The following DVL1 variants were observed in gnomAD, a reference collection of about 807,000 sequenced individuals.
DVL1 encodes dishevelled segment polarity protein 1, also known as segment polarity protein dishevelled homolog DVL-1.
A neutral mutation model predicts 65.0 loss-of-function variants in DVL1; 49 were observed. That is an observed-to-expected ratio of 0.75 (90% CI 0.60 to 0.96). The LOEUF (loss-of-function observed/expected upper bound fraction) is 0.96. Ranked by LOEUF, DVL1 falls within the 40% of genes least tolerant of loss-of-function variation. The pLI, the probability that DVL1 is intolerant of heterozygous loss-of-function variation, is 0.00. For synonymous variants in DVL1, 608 were observed against 433.9 expected (o/e 1.40, Z -4.99); for missense variants, 1,197 against 1,045.4 (o/e 1.15, Z -2.00).
At chr1:1,338,229 T>TGGCCCCC in intron 13 of DVL1, 40 bp downstream of exon 13, 78 of 1,521,738 alleles carry the variant, frequency 5.1e-5, no homozygotes, top group Non-Finnish European at 6.7e-5. Flanking sequence ...CCTCCGGCGT[T>TGGCCCCC]CCCCTCCCCC....
chr1:1,342,965 G>C (rs1411262055), intron 1 of DVL1, among the ~76,000 whole-genome samples: 1 of 148,158 alleles, frequency 6.7e-6, no homozygotes, highest in East Asian at 2.0e-4. Flanking sequence ...GTCACTCTGC[G>C]GACACCCCTG....
In DVL1 at chr1:1,336,364, G is replaced by A. The variant is rs1643572481; in HGVS notation, c.1866C>T (p.Gly622=). Residue 622 remains glycine (G), a synonymous_variant, in exon 15 of 15, where the codon GGC becomes GGT. Coordinates refer to ENST00000378888, the MANE Select transcript of DVL1 (RefSeq NM_001330311.2). ...GTGGGCTGCTGCCACGGCTGAGCTG[G>A]CCGGCCGGACGCTCTCGCCAGCTGC... ...VGSSWRERPA[G]QLSRGSSPRS... 6.3e-7 allele frequency: 1 copy of A among 1,596,830 alleles called. No homozygotes were observed. Among genetic ancestry groups the A allele is most frequent in the Non-Finnish European group, 8.5e-7 (1 of 1,177,986 alleles).
rs1257286030 is a variant in DVL1 at position 1,340,470 on chromosome 1, G to C, written c.639C>G (p.Ser213=). ...GGCGTTTGTGCTTCCGGATGAGTCT[G>C]GATGAGGTGCTCTGCTCCGTGGAGC... is the stretch of plus-strand genomic sequence containing the variant. ...LSSSTEQSTS[S]RLIRKHKRRR... Residue 213 remains serine, a synonymous_variant, in exon 6 of 15, where the codon TCC becomes TCG. Coordinates refer to ENST00000378888, the MANE Select transcript of DVL1 (RefSeq NM_001330311.2). 2 of 1,610,716 alleles carry C rather than the reference G, an allele frequency of 1.2e-6. No homozygotes were observed. Among genetic ancestry groups the C allele is most frequent in the Admixed American group, 3.4e-5 (2 of 59,368 alleles).
intron 13 of DVL1, 28 bp from the exon 14 acceptor site, chr1:1,338,211 C>T (rs369598586): frequency 3.3e-5 from 52 of 1,594,790 alleles, no homozygotes; most frequent in African/African-American, 2.5e-4. Context: ...GTGAGGGCCG[C>T]GGAGGGGCCT....
At position 1,342,736 on chromosome 1, in the gene DVL1, C is replaced by A; in HGVS notation, c.193G>T (p.Asp65Tyr). The change falls in exon 2 of 15, where the codon GAT (aspartate) becomes TAT (tyrosine). Residue 65 changes from aspartate to tyrosine, a missense_variant. By Grantham distance (160) the Asp-to-Tyr change is radical. Transcript: ENST00000378888. Reference sequence around the variant, plus strand: ...AAGCAGGGAAGCTTGGCATTGTCATCAAAGATCTCCTCCTTCACCACCCTG... The same window carrying A: ...AAGCAGGGAAGCTTGGCATTGTCATAAAAGATCTCCTCCTTCACCACCCTG... ...DFGVVKEEIF[D>Y]DNAKLPCFNG... 2 of 1,613,080 alleles carry A rather than the reference C, an allele frequency of 1.2e-6. No individual in the cohort carries two copies. Among genetic ancestry groups the A allele is most frequent in the Non-Finnish European group, 1.7e-6 (2 of 1,179,778 alleles).
chr1:1,336,161 A>C lies in DVL1; in HGVS notation c.2069T>G (p.Phe690Cys). The change falls in exon 15 of 15, where the codon TTC (phenylalanine) becomes TGC (cysteine). Residue 690 changes from phenylalanine to cysteine, a missense_variant. By Grantham distance (205) the Phe-to-Cys change is radical (BLOSUM62 -2). Coordinates refer to ENST00000378888, the MANE Select transcript of DVL1 (RefSeq NM_001330311.2). ...FQKAMGNPCE[F>C]FVDIM is the part of the protein sequence containing the mutation. ...CACGAGTCACATGATGTCCACGAAG[A>C]ACTCGCAGGGGTTCCCCATAGCCTT... is the stretch of plus-strand genomic sequence containing the variant. The C allele has an allele frequency of 6.3e-7, 1 of 1,576,186 alleles. No individual in the cohort carries two copies. The highest frequency in any genetic ancestry group is 1.7e-4 in the Middle Eastern group (1 of 6,024).
At position 1,336,031 on chromosome 1, in the gene DVL1, C is replaced by A; in HGVS notation, c.*111G>T. ...GCAGATGGTGGTGGTCCAGCCTGCC[C>A]CCCACCCTGCCTCCCGTCCTGGCCC... On this transcript the variant is annotated 3_prime_UTR_variant, in exon 15 of 15. Coordinates refer to ENST00000378888, the MANE Select transcript of DVL1 (RefSeq NM_001330311.2). The A allele has an allele frequency of 7.0e-7, 1 of 1,418,480 alleles. No individual in the cohort carries two copies. 87.9% of individuals were successfully genotyped at this position (1,418,480 alleles called of 1,614,324 possible).
chr1:1,339,395 T>G lies in DVL1; in HGVS notation c.1099A>C (p.Thr367Pro). The G allele has an allele frequency of 6.5e-7, 1 of 1,548,736 alleles. No homozygotes were observed. Among genetic ancestry groups the G allele is most frequent in the Non-Finnish European group, 8.7e-7 (1 of 1,146,686 alleles). Residue 367 changes from threonine (T) to proline (P), a missense_variant, in exon 11 of 15, where the codon ACG becomes CCG. Thr to Pro is a conservative substitution (Grantham distance 38). Transcript: ENST00000378888. ...PIDPAAWLSH[T>P]AALTGALPRY... ...GGCAGGGCTCCTGTCAGTGCCGCCG[T>G]GTGGGACAGCCAGGCGGCGGGGTCG...
rs1643970334 is a variant in DVL1 at position 1,348,955 on chromosome 1, G to A, written c.111C>T (p.Leu37=). 6.4e-7 allele frequency: 1 copy of A among 1,574,608 alleles called. No homozygotes were observed. The highest frequency in any genetic ancestry group is 8.6e-7 in the Non-Finnish European group (1 of 1,157,318). ...RVTLADFKNV[L]SNRPVHAYKF... ...TGTAGGCGTGCACGGGCCGGTTGCT[G>A]AGCACGTTCTTGAAGTCGGCCAGCG... Residue 37 remains leucine (L), a synonymous_variant, in exon 1 of 15, where the codon CTC becomes CTT. Coordinates refer to ENST00000378888, the MANE Select transcript of DVL1 (RefSeq NM_001330311.2).
rs1643559970 is a variant in DVL1, at chr1:1,336,087, T to C, written c.*55A>G. Reference sequence around the variant, plus strand: ...AAGGCAAGCCCACGCGAGCTCTGCATGCGGCAGGACCGCCAGCTCCCCACC... The same window carrying C: ...AAGGCAAGCCCACGCGAGCTCTGCACGCGGCAGGACCGCCAGCTCCCCACC... On this transcript the variant is annotated 3_prime_UTR_variant, in exon 15 of 15. Transcript: ENST00000378888. 1.9e-6 allele frequency: 3 copies of C among 1,544,126 alleles called. No individual in the cohort carries two copies. In the Admixed American group the frequency reaches 5.7e-5, roughly 29 times the overall value.
chr1:1,348,563 C>A (rs1431588715), intron 1 of DVL1, among the ~76,000 whole-genome samples: 4 of 152,238 alleles, frequency 2.6e-5, no homozygotes, highest in Non-Finnish European at 5.9e-5. Flanking sequence ...ACGCCCCTGA[C>A]CCCAGCCCGC....
chr1:1,337,622 G>A (rs1161767916), intron 14 of DVL1: 2 of 444,138 alleles, frequency 4.5e-6, no homozygotes, highest in Admixed American at 3.3e-5. Context: ...ACCCCTACCA[G>A]GCACAGCCGC....
At chr1:1,340,684 A>C (rs541737894) in intron 5 of DVL1, among the ~76,000 whole-genome samples, 181 bp from the exon 6 acceptor site, 1 of 152,200 alleles carries the variant, frequency 6.6e-6, no homozygotes, top group East Asian at 1.9e-4. Flanking sequence ...CACACACGAA[A>C]ATCCCAGAGA....
intron 1 of DVL1, among the ~76,000 whole-genome samples, chr1:1,345,469 C>T (rs1232855390): frequency 6.6e-5 from 10 of 152,180 alleles, no homozygotes; most frequent in Admixed American, 6.5e-4. Flanking sequence ...GCTGGCCAGG[C>T]ATTGGGGGCG....
At chr1:1,344,546 C>T (rs1643890723) in intron 1 of DVL1, among the ~76,000 whole-genome samples, 1 of 152,128 alleles carries the variant, frequency 6.6e-6, no homozygotes, top group African/African-American at 2.4e-5. Context: ...CCTACCTAGC[C>T]CTCTGGGGTC....
Position 1,349,040 on chromosome 1 carries a change from T to G in DVL1, c.26A>C (p.His9Pro). Residue 9 changes from histidine (H) to proline (P), a missense_variant, in exon 1 of 15, where the codon CAC becomes CCC. Physicochemically the swap from His to Pro is moderately conservative, Grantham distance 77. Transcript: ENST00000378888. This position sits in a 1 kb window ranked among gnomAD's most constrained non-coding sequence, Gnocchi z 4.1. MAETKIIY[H>P]MDEEETPYLV... The stretch of plus-strand genomic sequence containing the variant: ...GTACGGCGTCTCCTCCTCGTCCATG[T>G]GGTAGATAATCTTGGTCTCCGCCAT... The G allele has an allele frequency of 1.3e-6, 2 of 1,549,600 alleles. No homozygotes were observed. Among genetic ancestry groups the G allele is most frequent in the Non-Finnish European group, 1.7e-6 (2 of 1,144,368 alleles).
chr1:1,339,664 G>A lies in DVL1; in HGVS notation c.987-15C>T, dbSNP rs767910136. 3 of 1,611,668 alleles carry A rather than the reference G, an allele frequency of 1.9e-6. No individual in the cohort carries two copies. Among genetic ancestry groups the A allele is most frequent in the Non-Finnish European group, 1.7e-6 (2 of 1,179,218 alleles). On this transcript the variant is annotated splice_polypyrimidine_tract_variant and intron_variant, in intron 9 of 14. Transcript: ENST00000378888. Reference sequence around the variant, plus strand: ...GGCTGATGGGCCTGCAGGAACGGTGGTCACACAGCAAGGCCCCCATGGTCC... The same window carrying A: ...GGCTGATGGGCCTGCAGGAACGGTGATCACACAGCAAGGCCCCCATGGTCC...
At chr1:1,341,882 G>A (rs929852976) in intron 4 of DVL1, 77 bp from the exon 5 acceptor site, 47 of 1,488,450 alleles carry the variant, frequency 3.2e-5, no homozygotes, top group Non-Finnish European at 4.1e-5. Context: ...GGGCAGTGCT[G>A]CATGCCTGTG....
At chr1:1,337,276 C>T (rs982919864) in intron 14 of DVL1, among the ~76,000 whole-genome samples, 1 of 152,152 alleles carries the variant, frequency 6.6e-6, no homozygotes, top group Non-Finnish European at 1.5e-5. Context: ...GGGCCCTCCA[C>T]GAAGCCACCT....
Sources: allele counts gnomAD v4.1 joint callset (sites outside exome capture counted in the v4.1 genomes callset), GRCh38; gene constraint gnomAD v4.1.1; non-coding constraint Gnocchi (gnomAD v3.1); transcripts MANE v1.5; gene names NCBI Gene and HGNC (gene_info 2026-07-23, HGNC 2026-07-21).